Variants in COQ3 observed in about 807,000 individuals in gnomAD.
The protein encoded by COQ3 is ubiquinone biosynthesis O-methyltransferase, mitochondrial.
COQ3 carries 29 observed loss-of-function variants against 33.1 expected under a neutral mutation model. The ratio of observed to expected loss-of-function variants is 0.88; its 90% CI spans 0.65 to 1.19. The LOEUF (loss-of-function observed/expected upper bound fraction) is 1.19, where lower values mean the gene tolerates loss of function less well. COQ3 is among the 50% of genes most tolerant of loss of function. The pLI is 0.00. For synonymous variants in COQ3, 173 were observed against 157.8 expected, an observed-to-expected ratio of 1.10 and a Z score of -0.72; for missense variants, 437 against 430.7, an observed-to-expected ratio of 1.01 and a Z score of -0.13.
chr6:99,373,762 C>G (rs9402707), intron 5 of COQ3, among the ~76,000 whole-genome samples: 1 of 152,082 alleles, frequency 6.6e-6, no homozygotes, highest in Non-Finnish European at 1.5e-5. Flanking sequence ...GAGGCTGAAG[C>G]GGCAGGATCC....
intron 1 of COQ3, among the ~76,000 whole-genome samples, chr6:99,391,387 C>T (rs917968933): frequency 1.3e-5 from 2 of 151,886 alleles, no homozygotes; most frequent in African/African-American, 4.8e-5. Context: ...TAAAGGTGCT[C>T]GGCCAGGCTT....
At chr6:99,393,958 C>G (rs755984882) in intron 1 of COQ3, 116 bp downstream of exon 1, 1 of 794,342 alleles carries the variant, frequency 1.3e-6, no homozygotes, top group Non-Finnish European at 2.1e-6. Flanking sequence ...CCTTAGGTTT[C>G]GCGCTGACCC....
intron 3 of COQ3, among the ~76,000 whole-genome samples, chr6:99,379,354 T>C (rs1034947418): frequency 6.6e-6 from 1 of 152,216 alleles, no homozygotes; most frequent in African/African-American, 2.4e-5. Context: ...TTTTCTTAAA[T>C]GTAAGCCCTG....
At chr6:99,376,798 C>T (rs546074405) in intron 4 of COQ3, among the ~76,000 whole-genome samples, 1 of 151,906 alleles carries the variant, frequency 6.6e-6, no homozygotes, top group South Asian at 2.1e-4. Context: ...TGGTGAAACC[C>T]TGTCTCTACT....
Position 99,383,731 on chromosome 6 carries a change from A to G in COQ3, c.200T>C (p.Ile67Thr). Residue 67 changes from isoleucine (I) to threonine (T), a missense_variant, in exon 2 of 7, where the codon ATC becomes ACC. Ile to Thr is a moderately conservative substitution (Grantham distance 89, BLOSUM62 -1). Transcript: ENST00000254759. Reference protein sequence around the residue: ...RTIWFKSYRTIFSCLNRIKSF... With the variant: ...RTIWFKSYRTTFSCLNRIKSF... ...CTTTATTCTGTTCAAACAGGAAAAG[A>G]TCGTCCTGTAGGATTTGAACCATAT... 6.2e-7 allele frequency: 1 copy of G among 1,603,466 alleles called. No homozygotes were observed. The highest frequency in any genetic ancestry group is 8.5e-7 in the Non-Finnish European group (1 of 1,176,246).
intron 1 of COQ3, among the ~76,000 whole-genome samples, chr6:99,385,421 T>G (rs1384365026): frequency 6.6e-6 from 1 of 152,132 alleles, no homozygotes; most frequent in East Asian, 1.9e-4. Context: ...TCTTCATAAC[T>G]TTAAGTGAAA....
chr6:99,391,576 T>G (rs1314320861), intron 1 of COQ3, among the ~76,000 whole-genome samples: 2 of 127,492 alleles, frequency 1.6e-5, no homozygotes, highest in African/African-American at 5.8e-5. Context: ...ATTATGAAAC[T>G]AAGCCTTAGA....
chr6:99,385,130 C>T (rs541214029), intron 1 of COQ3, among the ~76,000 whole-genome samples: 2 of 152,114 alleles, frequency 1.3e-5, no homozygotes, highest in South Asian at 2.1e-4. Flanking sequence ...GTGTACATAC[C>T]AACAACAGAA....
At chr6:99,382,715 A>G (rs1774507562) in intron 2 of COQ3, among the ~76,000 whole-genome samples, 1 of 152,162 alleles carries the variant, frequency 6.6e-6, no homozygotes, top group South Asian at 2.1e-4. Flanking sequence ...GCACTTTGGG[A>G]GGCTGAGGTG....
At chr6:99,378,148 A>C (rs1458771597) in intron 3 of COQ3, among the ~76,000 whole-genome samples, 2 of 37,702 alleles carry the variant, frequency 5.3e-5, no homozygotes, top group Admixed American at 2.3e-4. Context: ...ATATATATAT[A>C]TATATATATT....
chr6:99,371,751 C>T (rs935816199), intron 5 of COQ3, among the ~76,000 whole-genome samples, 164 bp from the exon 6 acceptor site: 3 of 151,710 alleles, frequency 2.0e-5, no homozygotes, highest in Non-Finnish European at 2.9e-5. Flanking sequence ...CATTTTTTTT[C>T]TCTTGGGAAA....
intron 2 of COQ3, among the ~76,000 whole-genome samples, chr6:99,381,745 G>C (rs1014517207): frequency 6.6e-6 from 1 of 152,034 alleles, no homozygotes. Context: ...GGCCAACATG[G>C]TGAAACCCAG....
chr6:99,393,898 A>C (rs1038808422), intron 1 of COQ3, among the ~76,000 whole-genome samples, 176 bp downstream of exon 1: 1 of 152,218 alleles, frequency 6.6e-6, no homozygotes, highest in Admixed American at 6.5e-5. Context: ...GGCGTCCGCC[A>C]ACGGGACTAT....
At chr6:99,380,102 T>C (rs547078973) in intron 3 of COQ3, 87 bp downstream of exon 3, 252 of 1,228,034 alleles carry the variant, frequency 2.1e-4, no homozygotes, top group Admixed American at 3.7e-4. Context: ...ATTTTTTAAC[T>C]AGGTATAAAC....
At chr6:99,370,344 CTTTTTTTTT>C in intron 6 of COQ3, among the ~76,000 whole-genome samples, 170 of 101,218 alleles carry the variant, frequency 1.7e-3, no homozygotes, top group South Asian at 0.011. Context: ...CTTTTCTTTA[CTTTTTTTTT>C]TTTTTTTTTT....
intron 5 of COQ3, among the ~76,000 whole-genome samples, chr6:99,375,134 T>A (rs1434651741): frequency 1.3e-5 from 2 of 151,870 alleles, no homozygotes; most frequent in African/African-American, 2.4e-5. Flanking sequence ...CACGCCTGGC[T>A]AATTTGTATT....
intron 4 of COQ3, among the ~76,000 whole-genome samples, 195 bp downstream of exon 4, chr6:99,377,191 G>A (rs1037961907): frequency 1.3e-5 from 2 of 151,616 alleles, no homozygotes; most frequent in African/African-American, 2.4e-5. Context: ...TGTATTTTTA[G>A]TAGAGACAGG....
rs778337694 is a variant in COQ3, at chr6:99,369,672, T to C, written c.1038A>G (p.Leu346=). 2 of 1,614,022 alleles carry C rather than the reference T, an allele frequency of 1.2e-6. No homozygotes were observed. Among genetic ancestry groups the C allele is most frequent in the Admixed American group, 1.7e-5 (1 of 60,004 alleles). ...QEHPASAEFV[L]KGETEELQAN... ...CTTGGAGCTCTTCTGTTTCTCCCTT[T>C]AAAACAAACTCAGCAGAGGCTGGGT... is the stretch of plus-strand genomic sequence containing the variant. Residue 346 remains leucine, a synonymous_variant, in exon 7 of 7, where the codon TTA becomes TTG. Transcript: ENST00000254759.
chr6:99,384,881 C>G (rs1261293801), intron 1 of COQ3, among the ~76,000 whole-genome samples: 1 of 152,098 alleles, frequency 6.6e-6, no homozygotes, highest in East Asian at 1.9e-4. Context: ...GAGGCTGAAG[C>G]AAGCAGATCA....
Sources: allele counts gnomAD v4.1 joint callset (sites outside exome capture counted in the v4.1 genomes callset), GRCh38; gene constraint gnomAD v4.1.1; transcripts MANE v1.5; gene names NCBI Gene and HGNC (gene_info 2026-07-23, HGNC 2026-07-21).